The following CENPW variants were observed in gnomAD, a reference collection of about 807,000 sequenced individuals.
The protein encoded by CENPW is centromere protein W, also known as cancer-up-regulated gene 2 protein.
In CENPW, 3 loss-of-function variants were observed where a neutral mutation model predicts 11.1. The ratio of observed to expected loss-of-function variants is 0.27; its 90% CI spans 0.12 to 0.70. CENPW has a LOEUF of 0.70. Among genes scored for constraint, CENPW ranks in the 30% least tolerant of loss-of-function variants. The pLI is 0.77. For synonymous variants in CENPW, 38 were observed against 42.0 expected, an observed-to-expected ratio of 0.91 and a Z score of 0.37; for missense variants, 100 against 105.6, an observed-to-expected ratio of 0.95 and a Z score of 0.23.
At chr6:126,394,981 C>T in the CENPW span, among the ~76,000 whole-genome samples, 3 of 151,860 alleles carry the variant, frequency 2.0e-5, no homozygotes, top group African/African-American at 7.3e-5. Flanking sequence ...TGCTTTTATC[C>T]TTTGGGAGTT....
the CENPW span, among the ~76,000 whole-genome samples, chr6:126,371,693 G>A: frequency 2.9e-4 from 44 of 152,098 alleles, no homozygotes; most frequent in Non-Finnish European, 4.7e-4. Flanking sequence ...GAATTCAGCT[G>A]TGAATCCATC....
the CENPW span, among the ~76,000 whole-genome samples, chr6:126,398,292 T>G: frequency 3.3e-5 from 5 of 152,212 alleles, no homozygotes; most frequent in African/African-American, 1.2e-4. Flanking sequence ...TTTTGTTTGC[T>G]GAAGCATCTT....
chr6:126,428,151 C>A, the CENPW span, among the ~76,000 whole-genome samples: 1 of 152,158 alleles, frequency 6.6e-6, no homozygotes, highest in African/African-American at 2.4e-5. Flanking sequence ...AGGCCCTGAT[C>A]AGAGTTAAAT....
chr6:126,358,708 G>C, the CENPW span, among the ~76,000 whole-genome samples: 1 of 152,104 alleles, frequency 6.6e-6, no homozygotes, highest in Admixed American at 6.6e-5. Context: ...GTATCAGACT[G>C]ATGCTGGCTT....
chr6:126,480,001 T>C, the CENPW span, among the ~76,000 whole-genome samples: 1 of 151,958 alleles, frequency 6.6e-6, no homozygotes, highest in Non-Finnish European at 1.5e-5. Flanking sequence ...AAACTGACCT[T>C]CCACCATGCA....
At chr6:126,400,266 C>G in the CENPW span, among the ~76,000 whole-genome samples, 6 of 152,028 alleles carry the variant, frequency 3.9e-5, no homozygotes, top group Non-Finnish European at 7.4e-5. Flanking sequence ...TTTAATCATT[C>G]TGTTATCTCA....
the CENPW span, among the ~76,000 whole-genome samples, chr6:126,386,425 T>C: frequency 1.3e-5 from 2 of 152,072 alleles, no homozygotes; most frequent in Non-Finnish European, 2.9e-5. Context: ...TATAGTAAAG[T>C]GCACTATTAA....
chr6:126,474,127 G>GTA, the CENPW span, among the ~76,000 whole-genome samples: 1 of 150,778 alleles, frequency 6.6e-6, no homozygotes, highest in Non-Finnish European at 1.5e-5. Flanking sequence ...GTATATATAT[G>GTA]TATATATATC....
the CENPW span, among the ~76,000 whole-genome samples, chr6:126,380,616 T>C: frequency 6.6e-6 from 1 of 152,210 alleles, no homozygotes; most frequent in East Asian, 1.9e-4. Context: ...GCACCCACTG[T>C]CTTAACTCTA....
the CENPW span, among the ~76,000 whole-genome samples, chr6:126,392,205 C>A: frequency 4.6e-5 from 7 of 151,516 alleles, no homozygotes; most frequent in African/African-American, 1.7e-4. Context: ...AAATTAATTC[C>A]TTGGTATTTA....
the CENPW span, among the ~76,000 whole-genome samples, chr6:126,404,811 G>A: frequency 2.0e-5 from 3 of 148,116 alleles, no homozygotes; most frequent in Non-Finnish European, 4.5e-5. Context: ...TTTGAGAGCT[G>A]TATATTCAGC....
the CENPW span, among the ~76,000 whole-genome samples, chr6:126,389,192 A>AACTCC: frequency 6.6e-6 from 1 of 151,936 alleles, no homozygotes; most frequent in Non-Finnish European, 1.5e-5. Context: ...CTTCCAACTC[A>AACTCC]CTTCCAACAC....
At chr6:126,401,079 T>C in the CENPW span, among the ~76,000 whole-genome samples, 14 of 152,116 alleles carry the variant, frequency 9.2e-5, no homozygotes, top group African/African-American at 2.9e-4. Context: ...CATGTTTTCC[T>C]CTTACTTTTT....
chr6:126,436,057 G>A, the CENPW span, among the ~76,000 whole-genome samples: 1 of 151,692 alleles, frequency 6.6e-6, no homozygotes, highest in Non-Finnish European at 1.5e-5. Context: ...TTAGCGTTCC[G>A]GGGTCAGTGT....
chr6:126,463,984 G>A, the CENPW span, among the ~76,000 whole-genome samples: 2 of 151,862 alleles, frequency 1.3e-5, no homozygotes, highest in African/African-American at 4.8e-5. Flanking sequence ...AAACCAGACA[G>A]AGACATAATA....
chr6:126,397,501 T>C, the CENPW span, among the ~76,000 whole-genome samples: 1 of 152,284 alleles, frequency 6.6e-6, no homozygotes, highest in African/African-American at 2.4e-5. Context: ...TTCAGTAATA[T>C]AAAATTATTA....
the CENPW span, among the ~76,000 whole-genome samples, chr6:126,375,604 G>T: frequency 6.6e-6 from 1 of 151,890 alleles, no homozygotes; most frequent in Non-Finnish European, 1.5e-5. Flanking sequence ...CCCTAATTCA[G>T]TGTAATGGCT....
the CENPW span, among the ~76,000 whole-genome samples, chr6:126,412,954 C>T: frequency 6.6e-6 from 1 of 152,006 alleles, no homozygotes; most frequent in African/African-American, 2.4e-5. Context: ...AGTGTTCTTC[C>T]TATGATTTAG....
the CENPW span, among the ~76,000 whole-genome samples, chr6:126,389,495 C>T: frequency 6.6e-6 from 1 of 151,854 alleles, no homozygotes. Flanking sequence ...ATTTCTGCAA[C>T]TCTGTCTCAT....
Sources: allele counts gnomAD v4.1 joint callset (sites outside exome capture counted in the v4.1 genomes callset), GRCh38; gene constraint gnomAD v4.1.1; transcripts MANE v1.5; gene names NCBI Gene and HGNC (gene_info 2026-07-23, HGNC 2026-07-21).